The following MKLN1 variants were observed in gnomAD, a reference collection of about 807,000 sequenced individuals.
MKLN1 encodes muskelin.
Under a neutral mutation model 99.0 loss-of-function variants are expected in MKLN1, and 18 were observed. That is an observed-to-expected ratio of 0.18 (90% CI 0.13 to 0.27). The LOEUF (loss-of-function observed/expected upper bound fraction) is 0.27, where lower values mean the gene tolerates loss of function less well. Ranked by LOEUF, MKLN1 falls within the 10% of genes least tolerant of loss-of-function variation. The probability of loss-of-function intolerance (pLI) is 1.00; values close to 1 mark genes in which losing one functional copy is unlikely to be tolerated. For synonymous variants in MKLN1, 288 were observed against 293.2 expected, an observed-to-expected ratio of 0.98 and a Z score of 0.18; for missense variants, 621 against 875.9, an observed-to-expected ratio of 0.71 and a Z score of 3.67.
At chr7:131,115,843 G>C (rs1795268734) in intron 1 of MKLN1, among the ~76,000 whole-genome samples, 1 of 152,046 alleles carries the variant, frequency 6.6e-6, no homozygotes, top group South Asian at 2.1e-4. Flanking sequence ...AGCCCTCCCT[G>C]ACCACGCCAC....
At chr7:131,407,354 A>G (rs1794737822) in intron 6 of MKLN1, among the ~76,000 whole-genome samples, 1 of 151,986 alleles carries the variant, frequency 6.6e-6, no homozygotes, top group Non-Finnish European at 1.5e-5. Flanking sequence ...GTGGAAAGGT[A>G]TTTGGCTACT....
intron 2 of MKLN1, among the ~76,000 whole-genome samples, chr7:131,145,888 C>T (rs1201847379): frequency 1.3e-5 from 2 of 152,162 alleles, no homozygotes; most frequent in Non-Finnish European, 1.5e-5. Flanking sequence ...GCAGTCATGC[C>T]CCATTCACTG....
At chr7:131,190,342 A>G (rs530136925) in intron 2 of MKLN1, among the ~76,000 whole-genome samples, 3 of 151,960 alleles carry the variant, frequency 2.0e-5, no homozygotes, top group Admixed American at 6.6e-5. Flanking sequence ...TCTCAGACCT[A>G]CCTTGGCATT....
chr7:131,176,804 A>G (rs1407650055), intron 2 of MKLN1, among the ~76,000 whole-genome samples: 3 of 152,232 alleles, frequency 2.0e-5, no homozygotes, highest in Non-Finnish European at 4.4e-5. Context: ...TTCACTGTTC[A>G]GTTGAGGCCC....
chr7:131,472,658 A>T (rs891909144), intron 16 of MKLN1, among the ~76,000 whole-genome samples: 1 of 151,942 alleles, frequency 6.6e-6, no homozygotes, highest in Admixed American at 6.6e-5. Context: ...ACTTTTTAAA[A>T]CAATGCCCTT....
intron 2 of MKLN1, among the ~76,000 whole-genome samples, chr7:131,174,268 C>T (rs1242147433): frequency 2.0e-5 from 3 of 152,028 alleles, no homozygotes; most frequent in African/African-American, 7.2e-5. Context: ...CACCGCGCCC[C>T]ACCCTTTAAA....
intron 3 of MKLN1, among the ~76,000 whole-genome samples, chr7:131,227,459 G>C (rs909784421): frequency 1.5e-4 from 12 of 81,154 alleles, no homozygotes; most frequent in Middle Eastern, 9.6e-3. Flanking sequence ...TCTCTTCTTT[G>C]TTTCTTTCTT....
At chr7:131,290,367 C>T (rs1021271343) in intron 3 of MKLN1, among the ~76,000 whole-genome samples, 3 of 152,150 alleles carry the variant, frequency 2.0e-5, no homozygotes, top group African/African-American at 4.8e-5. Flanking sequence ...TTATTTTTCT[C>T]ATTATCACTT....
chr7:131,355,886 T>A (rs1584642652), intron 1 of MKLN1, among the ~76,000 whole-genome samples: 1 of 151,976 alleles, frequency 6.6e-6, no homozygotes, highest in East Asian at 1.9e-4. Flanking sequence ...ATTGATTCTT[T>A]TGGCATCTTC....
intron 8 of MKLN1, among the ~76,000 whole-genome samples, chr7:131,422,051 A>G (rs533075438): frequency 2.0e-5 from 3 of 152,314 alleles, no homozygotes; most frequent in African/African-American, 7.2e-5. Context: ...AGGAAATTCC[A>G]TGTTAACAAA....
chr7:131,464,697 A>G (rs1471531747), intron 14 of MKLN1, among the ~76,000 whole-genome samples: 4 of 152,336 alleles, frequency 2.6e-5, no homozygotes, highest in East Asian at 1.9e-4. Context: ...TGTTTCTACA[A>G]TGTGACTATC....
chr7:131,494,737 T>C lies in MKLN1; in HGVS notation c.*7009T>C, dbSNP rs1188212402. ...TTAGCCTGGGCAAGAGGTGTTATGA[T>C]TGTCTTATTCTTTAAGCCGGCTTAC... On this transcript the variant is annotated 3_prime_UTR_variant, in exon 18 of 18. Coordinates refer to ENST00000352689, the MANE Select transcript of MKLN1 (RefSeq NM_013255.5). 1.3e-5 allele frequency: 2 copies of C among 152,176 alleles called. No individual in the cohort carries two copies. The highest frequency in any genetic ancestry group is 2.4e-5 in the African/African-American group (1 of 41,442). The allele number at this position is 152,176 out of a possible 1,614,324, so 9.4% of individuals were successfully genotyped here.
intron 1 of MKLN1, among the ~76,000 whole-genome samples, chr7:131,114,762 A>G (rs1323712909): frequency 1.3e-5 from 2 of 152,114 alleles, no homozygotes; most frequent in African/African-American, 4.8e-5. Context: ...CCTGGCCAAT[A>G]TGGCAAAACC....
chr7:131,445,986 C>A, intron 12 of MKLN1, 83 bp downstream of exon 12: 1 of 896,392 alleles, frequency 1.1e-6, no homozygotes, highest in Non-Finnish European at 1.6e-6. Context: ...TCTTTCTAAT[C>A]ATTTTTCACC....
chr7:131,171,266 CA>C (rs1392220535), intron 2 of MKLN1, among the ~76,000 whole-genome samples: 1 of 151,996 alleles, frequency 6.6e-6, no homozygotes, highest in Non-Finnish European at 1.5e-5. Context: ...ACTGTAACCC[CA>C]CTTACCTAAA....
At chr7:131,214,450 G>A (rs998887670) in intron 3 of MKLN1, among the ~76,000 whole-genome samples, 3 of 152,180 alleles carry the variant, frequency 2.0e-5, no homozygotes, top group Admixed American at 1.3e-4. Flanking sequence ...GGAGAAAAAT[G>A]TGATGGCTGA....
At chr7:131,120,058 C>T (rs1584772102) in intron 1 of MKLN1, among the ~76,000 whole-genome samples, 1 of 151,146 alleles carries the variant, frequency 6.6e-6, no homozygotes, top group African/African-American at 2.4e-5. Flanking sequence ...GTAGTCCCAG[C>T]TACTCGGGAG....
intron 1 of MKLN1, among the ~76,000 whole-genome samples, chr7:131,341,504 G>A (rs1799406851): frequency 6.6e-6 from 1 of 152,162 alleles, no homozygotes. Flanking sequence ...ATTGTATCAT[G>A]TATCAGTACT....
intron 1 of MKLN1, among the ~76,000 whole-genome samples, chr7:131,332,189 A>G (rs946191912): frequency 6.6e-6 from 1 of 151,774 alleles, no homozygotes; most frequent in Non-Finnish European, 1.5e-5. Flanking sequence ...TAATCCTAGC[A>G]CTTTGGGAGG....
Sources: gnomAD v4.1 joint callset for allele counts (sites outside exome capture counted in the v4.1 genomes callset) on GRCh38, gnomAD v4.1.1 for gene constraint, MANE v1.5 for transcripts, NCBI Gene and HGNC (gene_info 2026-07-23, HGNC 2026-07-21) for gene names.